The following SPEF2 variants were observed in gnomAD, a reference collection of about 807,000 sequenced individuals.
The protein encoded by SPEF2 is sperm flagellar and cilia associated 2, also known as sperm flagella and cilia-associated protein 2.
Under a neutral mutation model 224.6 loss-of-function variants are expected in SPEF2, and 187 were observed. The observed-to-expected ratio is 0.83, with a 90% CI of 0.74 to 0.94. The LOEUF is 0.94. SPEF2 is among the 40% of genes least tolerant of loss of function. The pLI is 0.00. For synonymous variants in SPEF2, 715 were observed against 707.3 expected, an observed-to-expected ratio of 1.01 and a Z score of -0.17; for missense variants, 2,170 against 2,135.6, an observed-to-expected ratio of 1.02 and a Z score of -0.32.
At chr5:35,763,463 A>T in intron 25 of SPEF2, 59 bp from the exon 26 acceptor site, 1 of 1,467,546 alleles carries the variant, frequency 6.8e-7, no homozygotes. Context: ...ACATGGTCAC[A>T]AAAACAGAAT....
chr5:35,814,457 G>A lies in SPEF2; in HGVS notation c.5380-7G>A. The A allele has an allele frequency of 6.4e-7, 1 of 1,558,484 alleles. No homozygotes were observed. The highest frequency in any genetic ancestry group is 8.8e-7 in the Non-Finnish European group (1 of 1,137,580). On this transcript the variant is annotated splice_polypyrimidine_tract_variant and splice_region_variant and intron_variant, in intron 36 of 36. Coordinates refer to ENST00000356031, the MANE Select transcript of SPEF2 (RefSeq NM_024867.4). ...TTTGTAACTTCTCTTTGAATCTTTT[G>A]TCTTAGGATATTAAAATAATTCTCC...
chr5:35,783,726 A>C (rs1754670106), intron 30 of SPEF2, among the ~76,000 whole-genome samples: 1 of 152,184 alleles, frequency 6.6e-6, no homozygotes, highest in African/African-American at 2.4e-5. Context: ...AAGCATTCCA[A>C]ACAAAAGCAT....
At chr5:35,791,284 A>C (rs1330221628) in intron 30 of SPEF2, among the ~76,000 whole-genome samples, 2 of 152,206 alleles carry the variant, frequency 1.3e-5, no homozygotes, top group Non-Finnish European at 2.9e-5. Flanking sequence ...TATATCAAAG[A>C]AGAAAGGTTT....
intron 26 of SPEF2, among the ~76,000 whole-genome samples, chr5:35,767,898 G>A (rs1215152442): frequency 1.3e-5 from 2 of 151,988 alleles, no homozygotes. Flanking sequence ...GGTCTTCAGT[G>A]TTAGTTTCTA....
At position 35,793,172 on chromosome 5, in the gene SPEF2, C is replaced by G; in HGVS notation, c.4568C>G (p.Thr1523Arg). ...HLTQPELQEL[T>R]SLLTVNSEFV... ...GTTTTCTTCTAGTTACAGGAATTAACATCTTTATTAACAGTCAACTCCGAG... is the reference window on the plus strand; with the variant it reads ...GTTTTCTTCTAGTTACAGGAATTAAGATCTTTATTAACAGTCAACTCCGAG... The change falls in exon 32 of 37, where the codon ACA becomes AGA. Residue 1523 changes from threonine (T) to arginine (R), a missense_variant. Transcript: ENST00000356031. 1 of 1,613,732 alleles carries G rather than the reference C, an allele frequency of 6.2e-7. No individual in the cohort carries two copies. Among genetic ancestry groups the G allele is most frequent in the Non-Finnish European group, 8.5e-7 (1 of 1,179,828 alleles).
rs759370391 is a variant in SPEF2, at chr5:35,691,267, T to G, written c.1744+11T>G. On this transcript the variant is annotated intron_variant, in intron 11 of 36. Coordinates refer to ENST00000356031, the MANE Select transcript of SPEF2 (RefSeq NM_024867.4). ...GGTCTCTACAAAAAGGTAGAATTTC[T>G]TCTCCTACTCTCCCTGCCATTAGGT... 1 of 1,606,002 alleles carries G rather than the reference T, an allele frequency of 6.2e-7. No individual in the cohort carries two copies. The highest frequency in any genetic ancestry group is 8.5e-7 in the Non-Finnish European group (1 of 1,173,184).
intron 1 of SPEF2, among the ~76,000 whole-genome samples, chr5:35,623,428 G>A (rs1743797718): frequency 6.6e-6 from 1 of 152,174 alleles, no homozygotes; most frequent in Non-Finnish European, 1.5e-5. Flanking sequence ...ATGCCACTGA[G>A]CATAAAATGG....
intron 20 of SPEF2, among the ~76,000 whole-genome samples, chr5:35,716,408 C>T (rs903783018): frequency 2.0e-5 from 3 of 151,864 alleles, no homozygotes; most frequent in African/African-American, 7.3e-5. Context: ...ATAGAACCAT[C>T]GAAAATAGAA....
rs34708521 is a variant in SPEF2 at position 35,670,201 on chromosome 5, G to T, written c.1498G>T (p.Asp500Tyr). The change falls in exon 10 of 37, where the codon GAT (aspartate) becomes TAT (tyrosine). Residue 500 changes from aspartate (D) to tyrosine (Y), a missense_variant. Asp to Tyr is a radical substitution (Grantham distance 160). Coordinates refer to ENST00000356031, the MANE Select transcript of SPEF2 (RefSeq NM_024867.4). ...AGAACTGGAGAAAAGGGACTTGCTA[G>T]ATACCAATGATTATGAAGAATATAA... Reference protein sequence around the residue: ...LTELEKRDLLDTNDYEEYKNM... With the variant: ...LTELEKRDLLYTNDYEEYKNM... The T allele has an allele frequency of 6.2e-7, 1 of 1,609,988 alleles. No individual in the cohort carries two copies. Among genetic ancestry groups the T allele is most frequent in the Non-Finnish European group, 8.5e-7 (1 of 1,177,788 alleles).
At position 35,734,307 on chromosome 5, in the gene SPEF2, C is replaced by T. The variant is rs954244465; in HGVS notation, c.3064-5612C>T. On this transcript the variant is annotated intron_variant, in intron 21 of 36. Coordinates refer to ENST00000356031, the MANE Select transcript of SPEF2 (RefSeq NM_024867.4). Reference sequence around the variant, plus strand: ...TGCCAAGAACATTCCCACCACAGTGCCTTTGCATCTGCTGTTCCTTCTGCT... The same window carrying T: ...TGCCAAGAACATTCCCACCACAGTGTCTTTGCATCTGCTGTTCCTTCTGCT... Among the ~76,000 whole-genome samples the T allele has an allele frequency of 5.3e-5, 8 of 152,296 alleles. 2 individuals are homozygous for T. The highest frequency in any genetic ancestry group is 1.9e-4 in the East Asian group (1 of 5,180).
At chr5:35,653,556 T>A (rs1748499122) in intron 6 of SPEF2, among the ~76,000 whole-genome samples, 1 of 152,110 alleles carries the variant, frequency 6.6e-6, no homozygotes, top group Non-Finnish European at 1.5e-5. Flanking sequence ...TTATCAATAG[T>A]CTGCCTATTG....
At chr5:35,799,052 A>C (rs1450581030) in intron 33 of SPEF2, among the ~76,000 whole-genome samples, 1 of 152,192 alleles carries the variant, frequency 6.6e-6, no homozygotes, top group Non-Finnish European at 1.5e-5. Flanking sequence ...ATACCCTCTG[A>C]CTCTAGGAAC....
At chr5:35,775,495 C>T (rs1209479400) in intron 28 of SPEF2, among the ~76,000 whole-genome samples, 2 of 151,918 alleles carry the variant, frequency 1.3e-5, no homozygotes, top group Non-Finnish European at 2.9e-5. Context: ...TGGGAAGGAG[C>T]GACTTGGGAG....
intron 33 of SPEF2, among the ~76,000 whole-genome samples, chr5:35,797,728 G>A (rs547865917): frequency 3.3e-5 from 5 of 152,202 alleles, no homozygotes; most frequent in Admixed American, 2.6e-4. Context: ...AAGATAAAAC[G>A]TCAAACAACA....
chr5:35,663,181 C>T (rs72738826), intron 8 of SPEF2, among the ~76,000 whole-genome samples: 1,733 of 152,218 alleles, frequency 0.011, 16 homozygotes, highest in Non-Finnish European at 0.018. Context: ...TAACAGATTG[C>T]TCAAAGCTTC....
chr5:35,701,748 T>C (rs1738686283), intron 16 of SPEF2, among the ~76,000 whole-genome samples: 1 of 152,096 alleles, frequency 6.6e-6, no homozygotes, highest in Admixed American at 6.6e-5. Flanking sequence ...GTAAAAAAGA[T>C]GATTTGAAAT....
At chr5:35,812,866 C>T (rs934707821) in intron 36 of SPEF2, among the ~76,000 whole-genome samples, 2 of 152,172 alleles carry the variant, frequency 1.3e-5, no homozygotes, top group African/African-American at 4.8e-5. Flanking sequence ...GGGCACCTGA[C>T]TTTAAAATAT....
intron 14 of SPEF2, among the ~76,000 whole-genome samples, chr5:35,696,302 AT>A (rs1420228053): frequency 6.6e-6 from 1 of 152,096 alleles, no homozygotes; most frequent in Non-Finnish European, 1.5e-5. Flanking sequence ...ATTATATTTG[AT>A]TTTTTTATTA....
rs913943902 is a variant in SPEF2 at position 35,696,712 on chromosome 5, A to G, written c.2037+916A>G. On this transcript the variant is annotated intron_variant, in intron 14 of 36. Coordinates refer to ENST00000356031, the MANE Select transcript of SPEF2 (RefSeq NM_024867.4). ...CTATGAACATAGAGATAAATATGAT[A>G]TTGAAGATGATGATGAGTGTCATGA... is the stretch of plus-strand genomic sequence containing the variant. Among the ~76,000 whole-genome samples, 17 of 152,192 alleles carry G rather than the reference A, an allele frequency of 1.1e-4. 1 individual carries two copies. Among genetic ancestry groups the G allele is most frequent in the Admixed American group, 4.6e-4 (7 of 15,272 alleles).
Sources: gnomAD v4.1 joint callset for allele counts (sites outside exome capture counted in the v4.1 genomes callset) on GRCh38, gnomAD v4.1.1 for gene constraint, MANE v1.5 for transcripts, NCBI Gene and HGNC (gene_info 2026-07-23, HGNC 2026-07-21) for gene names.